LHCGR: variants seen among roughly 807,000 people sequenced by gnomAD.
LHCGR encodes luteinizing hormone/choriogonadotropin receptor.
In LHCGR, 55 loss-of-function variants were observed where a neutral mutation model predicts 60.7. The ratio of observed to expected loss-of-function variants is 0.91; its 90% CI spans 0.73 to 1.13. The LOEUF is 1.13. Ranked by LOEUF, LHCGR falls within the 50% of genes most tolerant of loss-of-function variation. The pLI is 0.00. For missense variants in LHCGR, 862 were observed against 836.0 expected (o/e 1.03, Z -0.38); for synonymous variants, 337 against 316.5 (o/e 1.06, Z -0.69).
chr2:48,725,719 T>C lies in LHCGR; in HGVS notation c.340A>G (p.Ile114Val), dbSNP rs745692187. 8.7e-6 allele frequency: 14 copies of C among 1,613,410 alleles called. 1 individual carries two copies. The South Asian group carries it at 1.2e-4, about 14-fold the overall frequency. Reference protein sequence around the residue: ...LIQNTKNLRYIEPGAFINLPR... With the variant: ...LIQNTKNLRYVEPGAFINLPR... Reference sequence around the variant, plus strand: ...AGATTTATAAATGCTCCGGGCTCAATGTATCTCAGATTTTTGGTGTTCTGG... The same window carrying C: ...AGATTTATAAATGCTCCGGGCTCAACGTATCTCAGATTTTTGGTGTTCTGG... The change falls in exon 4 of 11, where the codon ATT (isoleucine) becomes GTT (valine). Residue 114 changes from isoleucine (I) to valine (V), a missense_variant. Transcript: ENST00000294954.
Position 48,708,934 on chromosome 2 carries a change from A to G in LHCGR, c.680+14T>C, listed in dbSNP as rs772757749. ...ACACTGGGCAGGGAGGGGAGGCAGC[A>G]CCATTCTACTCACAAGGTTTTCGGC... On this transcript the variant is annotated intron_variant, in intron 8 of 10. Transcript: ENST00000294954. 2.5e-6 allele frequency: 4 copies of G among 1,609,948 alleles called. No individual in the cohort carries two copies. In the Admixed American group the frequency reaches 6.7e-5, roughly 27 times the overall value.
At chr2:48,733,098 A>G in intron 1 of LHCGR, 2 of 404,874 alleles carry the variant, frequency 4.9e-6, no homozygotes, top group Non-Finnish European at 1.0e-5. Context: ...ACAGAAGAGA[A>G]AGCTGTATTC....
At chr2:48,694,361 G>T in intron 9 of LHCGR, 57 bp from the exon 10 acceptor site, 1 of 1,013,288 alleles carries the variant, frequency 9.9e-7, no homozygotes, top group South Asian at 1.4e-5. Flanking sequence ...GGCTAAACCT[G>T]ACTGTGCGTC....
Position 48,687,833 on chromosome 2 carries a change from T to C in LHCGR, c.1964A>G (p.Asp655Gly), listed in dbSNP as rs1235735753. ...KRRAELYRRK[D>G]FSAYTSNCKN... ...GCAGTTGGAGGTGTAAGCTGAAAAATCTTTCCTTCTATAAAGTTCAGCCCG... is the reference window on the plus strand; with the variant it reads ...GCAGTTGGAGGTGTAAGCTGAAAAACCTTTCCTTCTATAAAGTTCAGCCCG... The change falls in exon 11 of 11, where the codon GAT becomes GGT. Residue 655 changes from aspartate to glycine, a missense_variant. Physicochemically the swap from Asp to Gly is moderately conservative, Grantham distance 94. Transcript: ENST00000294954. 2 of 1,613,994 alleles carry C rather than the reference T, an allele frequency of 1.2e-6. No homozygotes were observed. Among genetic ancestry groups the C allele is most frequent in the Non-Finnish European group, 1.7e-6 (2 of 1,180,038 alleles).
At chr2:48,715,794 T>C (rs1397006207) in intron 6 of LHCGR, among the ~76,000 whole-genome samples, 2 of 152,218 alleles carry the variant, frequency 1.3e-5, no homozygotes, top group East Asian at 3.9e-4. Context: ...ATTTAAGCTC[T>C]GAAATTCAGA....
intron 10 of LHCGR, among the ~76,000 whole-genome samples, chr2:48,692,061 G>A (rs1666875287): frequency 6.6e-6 from 1 of 152,014 alleles, no homozygotes; most frequent in Non-Finnish European, 1.5e-5. Context: ...CCTTGGATCA[G>A]CTCCATCAGA....
intron 1 of LHCGR, among the ~76,000 whole-genome samples, chr2:48,745,843 T>C (rs1327767827): frequency 6.7e-6 from 1 of 149,980 alleles, no homozygotes; most frequent in East Asian, 1.9e-4. Flanking sequence ...ACTTAAAGTA[T>C]AATAATAATA....
intron 9 of LHCGR, among the ~76,000 whole-genome samples, chr2:48,698,275 T>TA (rs1412337170): frequency 2.6e-5 from 4 of 152,158 alleles, no homozygotes; most frequent in African/African-American, 9.7e-5. Context: ...TTCCTTCACT[T>TA]AAAAAAATGA....
intron 1 of LHCGR, among the ~76,000 whole-genome samples, chr2:48,746,475 A>T (rs1202024204): frequency 6.6e-6 from 1 of 152,206 alleles, no homozygotes; most frequent in East Asian, 1.9e-4. Flanking sequence ...CACTCTGCAG[A>T]TTTTGCATTT....
At chr2:48,692,132 A>T (rs1666878561) in intron 10 of LHCGR, among the ~76,000 whole-genome samples, 1 of 152,176 alleles carries the variant, frequency 6.6e-6, no homozygotes, top group African/African-American at 2.4e-5. Context: ...TGAATAAAAA[A>T]TCTATAGAGA....
At chr2:48,739,669 G>A (rs1446285133) in intron 1 of LHCGR, among the ~76,000 whole-genome samples, 1 of 151,968 alleles carries the variant, frequency 6.6e-6, no homozygotes, top group African/African-American at 2.4e-5. Context: ...TTGTGGGGTG[G>A]GGGGAGTGGG....
At chr2:48,745,984 G>C (rs930019498) in intron 1 of LHCGR, among the ~76,000 whole-genome samples, 3 of 152,102 alleles carry the variant, frequency 2.0e-5, no homozygotes, top group Admixed American at 1.3e-4. Context: ...TGGTAGTTAA[G>C]AGCGCACACT....
intron 2 of LHCGR, among the ~76,000 whole-genome samples, chr2:48,730,805 C>T (rs1668953725): frequency 6.6e-6 from 1 of 152,130 alleles, no homozygotes; most frequent in South Asian, 2.1e-4. Flanking sequence ...GTGTTTTTGT[C>T]ATATACTTAT....
intron 1 of LHCGR, among the ~76,000 whole-genome samples, chr2:48,735,872 T>C (rs1203727265): frequency 6.6e-6 from 1 of 152,166 alleles, no homozygotes; most frequent in African/African-American, 2.4e-5. Context: ...ATTCCCAGTG[T>C]TGGAGGTGGG....
At chr2:48,726,468 C>T (rs192022383) in intron 3 of LHCGR, among the ~76,000 whole-genome samples, 5 of 152,294 alleles carry the variant, frequency 3.3e-5, no homozygotes, top group Admixed American at 3.3e-4. Flanking sequence ...TACAGCCATA[C>T]ACCACTGTGA....
chr2:48,732,943 T>G (rs756973097), intron 1 of LHCGR: 21 of 534,374 alleles, frequency 3.9e-5, no homozygotes, highest in South Asian at 2.9e-4. Context: ...TAACAAAGGA[T>G]CCGAGAAGAA....
chr2:48,741,758 C>T (rs942847478), intron 1 of LHCGR, among the ~76,000 whole-genome samples: 20 of 151,688 alleles, frequency 1.3e-4, no homozygotes, highest in African/African-American at 4.1e-4. Flanking sequence ...TAAAGACCAT[C>T]GAGACTAGGA....
chr2:48,695,450 T>C (rs1210242459), intron 9 of LHCGR, among the ~76,000 whole-genome samples: 1 of 152,208 alleles, frequency 6.6e-6, no homozygotes, highest in Non-Finnish European at 1.5e-5. Context: ...CATACACTGT[T>C]GGTGGGAGTG....
At chr2:48,739,062 T>C (rs1359029546) in intron 1 of LHCGR, among the ~76,000 whole-genome samples, 5 of 152,234 alleles carry the variant, frequency 3.3e-5, no homozygotes, top group African/African-American at 1.2e-4. Flanking sequence ...GGTCAAATTC[T>C]ACCCTGGATT....
Sources: allele counts gnomAD v4.1 joint callset (sites outside exome capture counted in the v4.1 genomes callset), GRCh38; gene constraint gnomAD v4.1.1; transcripts MANE v1.5; gene names NCBI Gene and HGNC (gene_info 2026-07-23, HGNC 2026-07-21).